The following SMARCAL1 variants were observed in gnomAD, a reference collection of about 807,000 sequenced individuals.
SMARCAL1 encodes ATP-driven annealing helicase.
In SMARCAL1, 58 loss-of-function variants were observed where a neutral mutation model predicts 94.5. That is an observed-to-expected ratio of 0.61 (90% confidence interval 0.50 to 0.76). The LOEUF (loss-of-function observed/expected upper bound fraction) is 0.76, where lower values mean the gene tolerates loss of function less well. SMARCAL1 is among the 30% of genes least tolerant of loss of function. The pLI is 0.00. For synonymous variants in SMARCAL1, 422 were observed against 455.1 expected (o/e 0.93, Z 0.93); for missense variants, 1,051 against 1,177.9 (o/e 0.89, Z 1.58).
At chr2:216,438,206 A>C (rs1694118471) in intron 9 of SMARCAL1, among the ~76,000 whole-genome samples, 1 of 152,238 alleles carries the variant, frequency 6.6e-6, no homozygotes, top group Non-Finnish European at 1.5e-5. Flanking sequence ...AATTGTCCCC[A>C]GAGAGCTGAA....
At chr2:216,455,120 G>T (rs866829083) in intron 12 of SMARCAL1, among the ~76,000 whole-genome samples, 3 of 152,370 alleles carry the variant, frequency 2.0e-5, no homozygotes, top group African/African-American at 4.8e-5. Context: ...AGCAGTCTGA[G>T]ATCGAACTGC....
chr2:216,464,149 A>G (rs1265021822), intron 12 of SMARCAL1, among the ~76,000 whole-genome samples: 3 of 152,256 alleles, frequency 2.0e-5, no homozygotes, highest in Non-Finnish European at 4.4e-5. Context: ...TCTGTAAGTC[A>G]GGTATAGTCA....
chr2:216,428,186 G>C (rs149909477), intron 6 of SMARCAL1, among the ~76,000 whole-genome samples: 2 of 152,318 alleles, frequency 1.3e-5, no homozygotes, highest in African/African-American at 4.8e-5. Context: ...TCCACTGCCA[G>C]AGGTCTCTAG....
chr2:216,482,756 A>G lies in SMARCAL1; in HGVS notation c.2644A>G (p.Ile882Val), dbSNP rs752187073. Reference sequence around the variant, plus strand: ...GATGAAGGACCCAAAGCAGCAGAAGATCTACGACCTATTCCAGAAGTCCTT... The same window carrying G: ...GATGAAGGACCCAAAGCAGCAGAAGGTCTACGACCTATTCCAGAAGTCCTT... ...YLYKDPKQQK[I>V]YDLFQKSFEK... Residue 882 changes from isoleucine (I) to valine (V), a missense_variant, in exon 18 of 18, where the codon ATC becomes GTC. By Grantham distance (29) the Ile-to-Val change is conservative. Transcript: ENST00000357276. This position sits in a 1 kb window ranked among gnomAD's most constrained non-coding sequence, Gnocchi z 4.3. The G allele has an allele frequency of 1.2e-6, 2 of 1,614,068 alleles. No homozygotes were observed. Among genetic ancestry groups the G allele is most frequent in the Non-Finnish European group, 1.7e-6 (2 of 1,180,026 alleles).
chr2:216,414,353 C>T (rs577101262), intron 2 of SMARCAL1: 3 of 299,120 alleles, frequency 1.0e-5, no homozygotes, highest in East Asian at 1.9e-4. Context: ...GATGGGGTTT[C>T]ACCATGTTGG....
At chr2:216,414,513 A>G (rs1263325059) in intron 2 of SMARCAL1, 134 bp from the exon 3 acceptor site, 5 of 614,252 alleles carry the variant, frequency 8.1e-6, no homozygotes, top group African/African-American at 1.8e-5. Context: ...GTGCAATTAT[A>G]AAAGAAACTT....
chr2:216,464,702 T>G, intron 13 of SMARCAL1, 35 bp downstream of exon 13: 1 of 1,135,590 alleles, frequency 8.8e-7, no homozygotes, highest in Non-Finnish European at 1.3e-6. Flanking sequence ...TCTCTCTCTC[T>G]CATCTTCAAA....
chr2:216,468,473 T>C (rs1694882859), intron 14 of SMARCAL1, among the ~76,000 whole-genome samples: 1 of 152,232 alleles, frequency 6.6e-6, no homozygotes, highest in Admixed American at 6.5e-5. Flanking sequence ...GTGCAGACAT[T>C]AGTAGAGAGT....
chr2:216,453,575 G>A (rs1317093022), intron 12 of SMARCAL1, among the ~76,000 whole-genome samples: 1 of 152,206 alleles, frequency 6.6e-6, no homozygotes, highest in East Asian at 1.9e-4. Flanking sequence ...TGGACTAGAT[G>A]ACCATAGGCA....
chr2:216,458,696 G>T (rs28820398), intron 12 of SMARCAL1, among the ~76,000 whole-genome samples: 19 of 152,116 alleles, frequency 1.2e-4, no homozygotes, highest in African/African-American at 4.3e-4. Context: ...AATAATAAGA[G>T]CTATTTATGA....
In SMARCAL1 at chr2:216,478,428, C is replaced by T; in HGVS notation, c.2625+129C>T. The stretch of plus-strand genomic sequence containing the variant: ...ACCTCCCCCAGCCTAGAGCTGAAAA[C>T]AATGGCCTGCAGTCATTCTCAGTTG... On this transcript the variant is annotated intron_variant, in intron 17 of 17. Coordinates refer to ENST00000357276, the MANE Select transcript of SMARCAL1 (RefSeq NM_014140.4). 6 of 756,558 alleles carry T rather than the reference C, an allele frequency of 7.9e-6. No individual in the cohort carries two copies. The East Asian group carries it at 1.2e-4, about 16-fold the overall frequency. 46.9% of individuals were successfully genotyped at this position (756,558 alleles called of 1,614,324 possible).
At chr2:216,422,765 C>G (rs1049503908) in intron 5 of SMARCAL1, among the ~76,000 whole-genome samples, 1 of 152,148 alleles carries the variant, frequency 6.6e-6, no homozygotes, top group Non-Finnish European at 1.5e-5. Flanking sequence ...CTTTTGCTGC[C>G]CAGATAGCAT....
chr2:216,424,525 C>T (rs1693789722), intron 6 of SMARCAL1, among the ~76,000 whole-genome samples: 1 of 152,200 alleles, frequency 6.6e-6, no homozygotes, highest in African/African-American at 2.4e-5. Flanking sequence ...CACGAGCCAA[C>T]CCTGGGAGCT....
rs113031402 is a variant in SMARCAL1, at chr2:216,482,584, C to T, written c.2626-154C>T. On this transcript the variant is annotated intron_variant, in intron 17 of 17. Coordinates refer to ENST00000357276, the MANE Select transcript of SMARCAL1 (RefSeq NM_014140.4). The surrounding 1 kb of genome is among the most constrained non-coding windows in gnomAD (Gnocchi z 4.3). ...GTGAGGCTGCTTTAGTGATGGTTTGCTGAGATGATGCACACTTGCCATCGT... is the reference window on the plus strand; with the variant it reads ...GTGAGGCTGCTTTAGTGATGGTTTGTTGAGATGATGCACACTTGCCATCGT... Among the ~76,000 whole-genome samples the T allele has an allele frequency of 7.9e-5, 12 of 152,304 alleles. No individual in the cohort carries two copies. In the South Asian group the frequency reaches 2.5e-3, roughly 32 times the overall value.
chr2:216,472,623 T>G (rs1694991492), intron 14 of SMARCAL1, among the ~76,000 whole-genome samples: 2 of 149,644 alleles, frequency 1.3e-5, no homozygotes, highest in African/African-American at 4.9e-5. Flanking sequence ...ATACAAATAA[T>G]GGTTTTTACA....
At chr2:216,463,962 A>G (rs766604965) in intron 12 of SMARCAL1, among the ~76,000 whole-genome samples, 1 of 152,200 alleles carries the variant, frequency 6.6e-6, no homozygotes, top group South Asian at 2.1e-4. Context: ...GAATCGCTTG[A>G]ACCTGGGAGG....
rs1389304791 is a variant in SMARCAL1 at position 216,447,088 on chromosome 2, T to C, written c.1781T>C (p.Ile594Thr). 1 of 1,614,042 alleles carries C rather than the reference T, an allele frequency of 6.2e-7. No homozygotes were observed. The highest frequency in any genetic ancestry group is 8.5e-7 in the Non-Finnish European group (1 of 1,180,002). ...MSRPAELYTQ[I>T]IAVKPTFFPQ... The stretch of plus-strand genomic sequence containing the variant: ...CGGCCCGCAGAGCTCTACACGCAGA[T>C]CATCGCAGTCAAGCCAACTTTCTTC... The change falls in exon 11 of 18, where the codon ATC becomes ACC. Residue 594 changes from isoleucine to threonine, a missense_variant. Ile to Thr is a moderately conservative substitution (Grantham distance 89). Coordinates refer to ENST00000357276, the MANE Select transcript of SMARCAL1 (RefSeq NM_014140.4).
intron 17 of SMARCAL1, among the ~76,000 whole-genome samples, chr2:216,479,426 C>T (rs2106091199): frequency 6.8e-6 from 1 of 147,690 alleles, no homozygotes; most frequent in East Asian, 2.0e-4. Flanking sequence ...GAGCAAGAGC[C>T]TGCCTCAAAA....
intron 12 of SMARCAL1, among the ~76,000 whole-genome samples, chr2:216,453,435 G>A (rs1694493361): frequency 6.6e-6 from 1 of 152,190 alleles, no homozygotes; most frequent in Non-Finnish European, 1.5e-5. Context: ...AGATTTGTGT[G>A]TTTGTGCTTT....
Sources: gnomAD v4.1 joint callset for allele counts (sites outside exome capture counted in the v4.1 genomes callset) on GRCh38, gnomAD v4.1.1 for gene constraint, Gnocchi (gnomAD v3.1) non-coding constraint, MANE v1.5 for transcripts, NCBI Gene and HGNC (gene_info 2026-07-23, HGNC 2026-07-21) for gene names.